Variants in CFAP47 observed in about 807,000 individuals in gnomAD.
The protein encoded by CFAP47 is cilia- and flagella-associated protein 47.
A neutral mutation model predicts 148.1 loss-of-function variants in CFAP47; 29 were observed. The observed-to-expected ratio is 0.20, with a 90% confidence interval of 0.15 to 0.27. CFAP47 has a LOEUF of 0.27. Among genes scored for constraint, CFAP47 ranks in the 10% least tolerant of loss-of-function variants. CFAP47 has a pLI of 1.00. For synonymous variants in CFAP47, 664 were observed against 577.3 expected, an observed-to-expected ratio of 1.15 and a Z score of -2.15; for missense variants, 1,872 against 1,697.5, an observed-to-expected ratio of 1.10 and a Z score of -1.81.
At chrX:36,129,044 T>G (rs771546015) in intron 33 of CFAP47, among the ~76,000 whole-genome samples, 1 of 110,540 alleles carries the variant, frequency 9.0e-6, no homozygotes, top group Non-Finnish European at 1.9e-5. Context: ...ATTTCTTGTT[T>G]TTTGAATTTT....
chrX:36,145,465 A>G, intron 36 of CFAP47, 112 bp downstream of exon 36: 1 of 284,992 alleles, frequency 3.5e-6, no homozygotes, highest in East Asian at 5.0e-5. Context: ...GAATAATTTT[A>G]TTAAAAGTGA....
At chrX:36,114,012 G>A (rs1480428785) in intron 33 of CFAP47, among the ~76,000 whole-genome samples, 5 of 109,345 alleles carry the variant, frequency 4.6e-5, no homozygotes, top group East Asian at 2.9e-4. Flanking sequence ...GAGTTTCACC[G>A]CATTAGCCAG....
chrX:36,130,523 T>C (rs750394798), intron 33 of CFAP47, among the ~76,000 whole-genome samples: 1 of 111,147 alleles, frequency 9.0e-6, no homozygotes, highest in East Asian at 2.9e-4. Flanking sequence ...TGGAGGTTCC[T>C]CAAAAAACTA....
intron 22 of CFAP47, among the ~76,000 whole-genome samples, chrX:36,028,350 C>A (rs1937244582): frequency 9.0e-6 from 1 of 110,633 alleles, no homozygotes; most frequent in South Asian, 3.8e-4. Flanking sequence ...GGTATGGGTC[C>A]AGTTTCATTA....
intron 15 of CFAP47, among the ~76,000 whole-genome samples, chrX:35,981,553 G>C (rs1936645130): frequency 9.1e-6 from 1 of 110,371 alleles, no homozygotes; most frequent in Non-Finnish European, 1.9e-5. Flanking sequence ...TTAGGTTCAG[G>C]GGTACATGTG....
intron 33 of CFAP47, among the ~76,000 whole-genome samples, chrX:36,134,430 T>C (rs1939004371): frequency 9.0e-6 from 1 of 110,542 alleles, no homozygotes; most frequent in Admixed American, 9.7e-5. Context: ...AGAATAGATG[T>C]GTAGATCAAA....
intron 46 of CFAP47, among the ~76,000 whole-genome samples, chrX:36,235,654 TA>T (rs1555994284): frequency 8.9e-6 from 1 of 112,160 alleles, no homozygotes; most frequent in Non-Finnish European, 1.9e-5. Flanking sequence ...TGGCACTCCC[TA>T]GTGAGATGAA....
intron 48 of CFAP47, among the ~76,000 whole-genome samples, chrX:36,238,424 C>T (rs1359460183): frequency 8.9e-6 from 1 of 111,944 alleles, no homozygotes; most frequent in Non-Finnish European, 1.9e-5. Context: ...GTGTCTTTAT[C>T]AGCAGCATGA....
chrX:35,922,259 A>G (rs1421223899), intron 1 of CFAP47, among the ~76,000 whole-genome samples: 1 of 111,866 alleles, frequency 8.9e-6, no homozygotes, highest in African/African-American at 3.2e-5. Flanking sequence ...CATTTTCTCT[A>G]AGAAGTCTGT....
intron 57 of CFAP47, among the ~76,000 whole-genome samples, chrX:36,342,841 G>A (rs782559793): frequency 2.7e-5 from 3 of 111,417 alleles, no homozygotes; most frequent in African/African-American, 9.8e-5. Flanking sequence ...TGCTGAACGT[G>A]CAGGTTTGTT....
At chrX:36,219,417 T>TGGCTGTAATTCA (rs1298679168) in intron 45 of CFAP47, among the ~76,000 whole-genome samples, 1 of 111,496 alleles carries the variant, frequency 9.0e-6, no homozygotes, top group Non-Finnish European at 1.9e-5. Context: ...CTTTCCATCA[T>TGGCTGTAATTCA]GGCTGGTAAT....
intron 57 of CFAP47, among the ~76,000 whole-genome samples, chrX:36,326,051 T>G (rs1436082021): frequency 1.8e-5 from 2 of 111,296 alleles, no homozygotes; most frequent in African/African-American, 3.3e-5. Flanking sequence ...TTTTCATTGA[T>G]TTTTTGTGCT....
rs781897845 is a variant in CFAP47, at chrX:36,221,890, C to T, written c.6818-6738C>T. 2.7e-5 allele frequency among the ~76,000 whole-genome samples: 3 copies of T among 111,382 alleles called. No individual in the cohort carries two copies. In the South Asian group the frequency reaches 1.1e-3, roughly 41 times the overall value. ...AATTACAGTGGAAGATCTTATTAGA[C>T]CTCTCTCAATAATTGACAGATCAAG... is the stretch of plus-strand genomic sequence containing the variant. On this transcript the variant is annotated intron_variant, in intron 45 of 63. Coordinates refer to ENST00000378653, the MANE Select transcript of CFAP47 (RefSeq NM_001304548.2).
chrX:36,277,353 T>C (rs782190515), intron 49 of CFAP47, among the ~76,000 whole-genome samples: 2 of 111,806 alleles, frequency 1.8e-5, no homozygotes, highest in Non-Finnish European at 3.8e-5. Context: ...ATGTTATGTC[T>C]TACAAGTATT....
chrX:36,302,993 A>G (rs1941312365), intron 53 of CFAP47, among the ~76,000 whole-genome samples: 1 of 112,056 alleles, frequency 8.9e-6, no homozygotes, highest in Admixed American at 9.5e-5. Context: ...TTGAAACTAA[A>G]AGAAGTCATT....
intron 49 of CFAP47, among the ~76,000 whole-genome samples, chrX:36,270,983 C>T (rs1346777466): frequency 9.1e-6 from 1 of 110,236 alleles, no homozygotes; most frequent in African/African-American, 3.3e-5. Context: ...TTTTCATCAG[C>T]CATGTAATTT....
intron 57 of CFAP47, among the ~76,000 whole-genome samples, chrX:36,347,416 C>T: frequency 8.9e-6 from 1 of 111,809 alleles, no homozygotes; most frequent in Non-Finnish European, 1.9e-5. Context: ...TTTGACCCAG[C>T]AATCCCATTA....
In CFAP47 at chrX:35,926,042, A is replaced by T. The variant is rs761857312; in HGVS notation, c.275A>T (p.Asp92Val). 1.2e-5 allele frequency: 14 copies of T among 1,205,739 alleles called. No individual in the cohort carries two copies. Among genetic ancestry groups the T allele is most frequent in the Non-Finnish European group, 1.6e-5 (14 of 892,271 alleles). ...TTCAAACTGATGTTGACCAGTCTGGATAAAGAACTTGCTTCTGGCCTTCAG... is the reference window on the plus strand; with the variant it reads ...TTCAAACTGATGTTGACCAGTCTGGTTAAAGAACTTGCTTCTGGCCTTCAG... ...PQFKLMLTSL[D>V]KELASGLQMT... The change falls in exon 2 of 64, where the codon GAT becomes GTT. Residue 92 changes from aspartate (D) to valine (V), a missense_variant. Transcript: ENST00000378653.
intron 40 of CFAP47, among the ~76,000 whole-genome samples, chrX:36,181,430 G>T (rs1413340936): frequency 9.0e-6 from 1 of 111,040 alleles, no homozygotes; most frequent in African/African-American, 3.3e-5. Flanking sequence ...AATTTTTCCA[G>T]GAAAGGAAAC....
Sources: gnomAD v4.1 joint callset for allele counts (sites outside exome capture counted in the v4.1 genomes callset) on GRCh38, gnomAD v4.1.1 for gene constraint, MANE v1.5 for transcripts, NCBI Gene and HGNC (gene_info 2026-07-23, HGNC 2026-07-21) for gene names.